The following TENM2 variants were observed in gnomAD, a reference collection of about 807,000 sequenced individuals.
The protein encoded by TENM2 is teneurin transmembrane protein 2, also known as teneurin-2.
In TENM2, 52 loss-of-function variants were observed where a neutral mutation model predicts 245.2. The observed-to-expected ratio is 0.21, with a 90% CI of 0.17 to 0.27. The LOEUF is 0.27. TENM2 is among the 10% of genes least tolerant of loss of function. TENM2 has a pLI of 1.00. For missense variants in TENM2, 3,046 were observed against 3,666.8 expected, an observed-to-expected ratio of 0.83 and a Z score of 4.37; for synonymous variants, 1,363 against 1,438.9, an observed-to-expected ratio of 0.95 and a Z score of 1.19.
the TENM2 span, among the ~76,000 whole-genome samples, chr5:166,999,474 C>T: frequency 6.6e-6 from 1 of 152,104 alleles, no homozygotes; most frequent in African/African-American, 2.4e-5. Context: ...AGGATTGAGG[C>T]TTGGAGTTAG....
intron 2 of TENM2, among the ~76,000 whole-genome samples, chr5:167,609,537 T>A (rs1277334460): frequency 7.0e-6 from 1 of 142,386 alleles, no homozygotes; most frequent in African/African-American, 2.7e-5. Context: ...GAAGGTTTTT[T>A]AGAAATTAGA....
downstream of TENM2, chr5:168,263,414 G>C (rs905632146): frequency 6.6e-6 from 1 of 152,534 alleles, no homozygotes; most frequent in Non-Finnish European, 1.5e-5. Context: ...CGACTTTGGG[G>C]GTGATTTGTG....
the TENM2 span, among the ~76,000 whole-genome samples, chr5:167,182,813 A>G: frequency 3.3e-5 from 5 of 152,278 alleles, no homozygotes; most frequent in East Asian, 9.6e-4. Context: ...TAATGATAAT[A>G]ATAACCTCGT....
chr5:167,982,598 T>G (rs1348984906), intron 4 of TENM2, among the ~76,000 whole-genome samples: 3 of 152,162 alleles, frequency 2.0e-5, no homozygotes, highest in Non-Finnish European at 4.4e-5. Context: ...AGGAGGCATC[T>G]GAGGACCAGG....
intron 2 of TENM2, among the ~76,000 whole-genome samples, chr5:167,755,477 AATAAAT>A (rs1762252464): frequency 1.3e-5 from 2 of 152,066 alleles, no homozygotes; most frequent in African/African-American, 2.4e-5. Context: ...AATATGTGAA[AATAAAT>A]ATAAATATAA....
At chr5:167,898,951 T>G (rs915110921) in intron 3 of TENM2, among the ~76,000 whole-genome samples, 2 of 151,616 alleles carry the variant, frequency 1.3e-5, no homozygotes, top group Non-Finnish European at 2.9e-5. Flanking sequence ...GATGGTCATA[T>G]CCAACAGACA....
chr5:167,284,693 GA>G (rs1436927625), upstream of TENM2: 6 of 644,990 alleles, frequency 9.3e-6, no homozygotes, highest in East Asian at 1.6e-4. Context: ...GTCTGAGTCA[GA>G]GCATGAATCA....
At chr5:167,994,318 C>A (rs1354082638) in intron 5 of TENM2, among the ~76,000 whole-genome samples, 1 of 152,340 alleles carries the variant, frequency 6.6e-6, no homozygotes, top group East Asian at 1.9e-4. Context: ...GCAACCCTGA[C>A]TGTGTTGGCC....
intron 2 of TENM2, among the ~76,000 whole-genome samples, chr5:167,529,465 T>C (rs1011271305): frequency 1.3e-5 from 2 of 152,244 alleles, no homozygotes; most frequent in African/African-American, 2.4e-5. Context: ...CTTGGTTTAG[T>C]CTTTCCTGTA....
chr5:167,522,900 A>C (rs1770859934), intron 2 of TENM2, among the ~76,000 whole-genome samples: 1 of 151,378 alleles, frequency 6.6e-6, no homozygotes, highest in South Asian at 2.1e-4. Context: ...GCCGTAATGA[A>C]TTATCGTAAA....
intron 2 of TENM2, among the ~76,000 whole-genome samples, chr5:167,567,911 T>G (rs1774015313): frequency 1.3e-5 from 2 of 151,740 alleles, no homozygotes. Context: ...CAAATCAACA[T>G]GTCTTTTTTA....
At chr5:167,136,735 A>G in the TENM2 span, among the ~76,000 whole-genome samples, 1 of 152,194 alleles carries the variant, frequency 6.6e-6, no homozygotes, top group Non-Finnish European at 1.5e-5. Flanking sequence ...ATCAAATTCC[A>G]GATGAATTCT....
At chr5:167,034,714 A>G in the TENM2 span, among the ~76,000 whole-genome samples, 6 of 151,862 alleles carry the variant, frequency 4.0e-5, no homozygotes, top group Admixed American at 2.0e-4. Flanking sequence ...TTTTCCTCCA[A>G]TTGGTTTTTC....
intron 2 of TENM2, among the ~76,000 whole-genome samples, chr5:167,510,079 C>G (rs979679351): frequency 9.2e-5 from 14 of 152,152 alleles, no homozygotes; most frequent in African/African-American, 3.4e-4. Context: ...GCATCGGGAG[C>G]CTAGCACAGC....
intron 2 of TENM2, among the ~76,000 whole-genome samples, chr5:167,501,338 A>G (rs1293538646): frequency 6.6e-6 from 1 of 152,124 alleles, no homozygotes; most frequent in Non-Finnish European, 1.5e-5. Context: ...AGGGTGGGGC[A>G]CTTGAAAACA....
the TENM2 span, among the ~76,000 whole-genome samples, chr5:167,168,603 T>C: frequency 6.6e-6 from 1 of 152,248 alleles, no homozygotes; most frequent in South Asian, 2.1e-4. Context: ...CATAAGGCTT[T>C]GTGCGTTGTT....
the TENM2 span, among the ~76,000 whole-genome samples, chr5:167,276,352 T>TTGTG: frequency 0.036 from 1,227 of 34,154 alleles, 8 homozygotes; most frequent in Non-Finnish European, 0.046. Context: ...CCTGTTCATT[T>TTGTG]TGTGTGTGTG....
chr5:167,329,116 C>T (rs1430456244), intron 1 of TENM2, among the ~76,000 whole-genome samples: 2 of 152,108 alleles, frequency 1.3e-5, no homozygotes, highest in Admixed American at 1.3e-4. Context: ...TTATTGGCTT[C>T]ATGCAACAAC....
chr5:167,943,424 C>A (rs1388140760), intron 3 of TENM2, among the ~76,000 whole-genome samples: 1 of 152,148 alleles, frequency 6.6e-6, no homozygotes, highest in Non-Finnish European at 1.5e-5. Flanking sequence ...GAATGAAATA[C>A]ACCCCCAGGA....
Sources: gnomAD v4.1 joint callset for allele counts (sites outside exome capture counted in the v4.1 genomes callset) on GRCh38, gnomAD v4.1.1 for gene constraint, MANE v1.5 for transcripts, NCBI Gene and HGNC (gene_info 2026-07-23, HGNC 2026-07-21) for gene names.